Variants in IQSEC1 observed in about 807,000 individuals in gnomAD.
The protein encoded by IQSEC1 is IQ motif and SEC7 domain-containing protein 1.
In IQSEC1, 31 loss-of-function variants were observed where a neutral mutation model predicts 91.0. That is an observed-to-expected ratio of 0.34 (90% CI 0.26 to 0.46). IQSEC1 has a LOEUF of 0.46. Among genes scored for constraint, IQSEC1 ranks in the 20% least tolerant of loss-of-function variants. IQSEC1 has a pLI of 1.00. For synonymous variants in IQSEC1, 699 were observed against 662.6 expected (o/e 1.05, Z -0.84); for missense variants, 1,388 against 1,575.6 (o/e 0.88, Z 2.02).
intron 13 of IQSEC1, 42 bp from the exon 14 acceptor site, chr3:12,901,564 A>T: frequency 6.8e-7 from 1 of 1,481,480 alleles, no homozygotes; most frequent in Non-Finnish European, 9.2e-7. Flanking sequence ...AAAGATCTTC[A>T]AGCACTTAGG....
chr3:13,178,294 T>C (rs149038258), intron 1 of IQSEC1, among the ~76,000 whole-genome samples: 12 of 152,348 alleles, frequency 7.9e-5, no homozygotes, highest in Middle Eastern at 3.4e-3. Context: ...GCTGATCTTT[T>C]GGGGTCAAAG....
chr3:13,137,660 C>A (rs1706732249), intron 2 of IQSEC1, among the ~76,000 whole-genome samples: 1 of 152,090 alleles, frequency 6.6e-6, no homozygotes, highest in African/African-American at 2.4e-5. Flanking sequence ...TTTTATTATC[C>A]TTTGAAATGC....
intron 1 of IQSEC1, among the ~76,000 whole-genome samples, chr3:13,186,718 A>G (rs920659901): frequency 1.3e-5 from 2 of 152,094 alleles, no homozygotes; most frequent in Non-Finnish European, 2.9e-5. Flanking sequence ...ACACGTGAAC[A>G]TGGTGGAATG....
At chr3:12,990,571 C>T (rs1701940251) in intron 1 of IQSEC1, among the ~76,000 whole-genome samples, 1 of 152,200 alleles carries the variant, frequency 6.6e-6, no homozygotes, top group Non-Finnish European at 1.5e-5. Flanking sequence ...CCACAGCTGG[C>T]TTTCTATGCT....
intron 2 of IQSEC1, among the ~76,000 whole-genome samples, chr3:13,122,690 G>C (rs1430989189): frequency 6.6e-6 from 1 of 152,158 alleles, no homozygotes; most frequent in Non-Finnish European, 1.5e-5. Context: ...CATCCCACCT[G>C]GTCTCTGTTA....
chr3:13,159,946 T>A (rs1707144720), intron 2 of IQSEC1, among the ~76,000 whole-genome samples: 1 of 152,132 alleles, frequency 6.6e-6, no homozygotes, highest in Non-Finnish European at 1.5e-5. Flanking sequence ...CATAAATAAA[T>A]CATTAGAAGA....
intron 1 of IQSEC1, among the ~76,000 whole-genome samples, chr3:13,227,387 A>AG (rs1227348142): frequency 3.3e-4 from 49 of 149,524 alleles, no homozygotes; most frequent in Admixed American, 5.3e-4. Flanking sequence ...AAAAAAAAAA[A>AG]AAAAAAAAAG....
At chr3:13,022,542 G>C (rs1036317922) in intron 1 of IQSEC1, 101 of 851,848 alleles carry the variant, frequency 1.2e-4, no homozygotes, top group Non-Finnish European at 1.4e-4. Flanking sequence ...CCAGGGGCTG[G>C]CCCTGCGTCC....
chr3:12,975,723 ATTC>A (rs1330458805), intron 1 of IQSEC1, among the ~76,000 whole-genome samples: 2 of 152,234 alleles, frequency 1.3e-5, no homozygotes, highest in Non-Finnish European at 2.9e-5. Context: ...GGTAGGGACT[ATTC>A]TATCTTCTCA....
chr3:13,281,168 G>A (rs567057552), intron 1 of IQSEC1, among the ~76,000 whole-genome samples: 9 of 152,192 alleles, frequency 5.9e-5, no homozygotes, highest in Non-Finnish European at 1.3e-4. Flanking sequence ...GCCTCCCCAA[G>A]CTGCTGAGGA....
At chr3:13,113,988 G>A (rs185240808) in intron 2 of IQSEC1, among the ~76,000 whole-genome samples, 2 of 152,364 alleles carry the variant, frequency 1.3e-5, no homozygotes, top group African/African-American at 2.4e-5. Flanking sequence ...CTCCACATAC[G>A]ATGAGACTCT....
At chr3:12,976,617 TTCTCTC>T (rs376407220) in intron 1 of IQSEC1, among the ~76,000 whole-genome samples, 319 of 152,362 alleles carry the variant, frequency 2.1e-3, no homozygotes, top group African/African-American at 7.0e-3. Context: ...TTCGTCCACA[TTCTCTC>T]TGTCTCATCG....
chr3:13,145,539 C>A (rs1706874773), intron 2 of IQSEC1, among the ~76,000 whole-genome samples: 1 of 152,046 alleles, frequency 6.6e-6, no homozygotes. Flanking sequence ...GCAGAACTGG[C>A]ACAAGCCCCT....
chr3:12,962,977 A>T (rs1700335762), intron 1 of IQSEC1, among the ~76,000 whole-genome samples: 1 of 152,238 alleles, frequency 6.6e-6, no homozygotes, highest in South Asian at 2.1e-4. Flanking sequence ...TGGTGGTGAC[A>T]TATTTTGCCA....
intron 1 of IQSEC1, among the ~76,000 whole-genome samples, chr3:13,062,194 C>T (rs2125090781): frequency 6.6e-6 from 1 of 152,304 alleles, no homozygotes; most frequent in Non-Finnish European, 1.5e-5. Context: ...ACCATTACAG[C>T]CCAGCTTCCC....
chr3:13,150,316 C>T (rs371331687), intron 2 of IQSEC1, among the ~76,000 whole-genome samples: 3 of 152,220 alleles, frequency 2.0e-5, no homozygotes, highest in Non-Finnish European at 2.9e-5. Flanking sequence ...TCACAGTGAG[C>T]GTTCAGGCTG....
chr3:13,269,667 G>A (rs1346508418), intron 1 of IQSEC1, among the ~76,000 whole-genome samples: 1 of 152,190 alleles, frequency 6.6e-6, no homozygotes, highest in Admixed American at 6.5e-5. Context: ...AGCTCAGCAG[G>A]GGCAGGACAG....
At chr3:13,043,983 G>T (rs1284230942) in intron 1 of IQSEC1, among the ~76,000 whole-genome samples, 1 of 152,194 alleles carries the variant, frequency 6.6e-6, no homozygotes, top group East Asian at 1.9e-4. Context: ...CTGCTCAGGG[G>T]GGTGACATCC....
In IQSEC1 at chr3:12,927,795, G is replaced by A. The variant is rs141320687; in HGVS notation, c.1569-3053C>T. ...GGTGCAGCTGAGAGGCCTAGTCTGTGCAGGGGGCAAGGGACAGAGACTGAG... is the reference window on the plus strand; with the variant it reads ...GGTGCAGCTGAGAGGCCTAGTCTGTACAGGGGGCAAGGGACAGAGACTGAG... On this transcript the variant is annotated intron_variant, in intron 3 of 13. Transcript: ENST00000613206. 6.8e-3 allele frequency among the ~76,000 whole-genome samples: 1,033 copies of A among 152,382 alleles called. 13 individuals are homozygous for A. The highest frequency in any genetic ancestry group is 0.023 in the African/African-American group (957 of 41,594).
Sources: gnomAD v4.1 joint callset for allele counts (sites outside exome capture counted in the v4.1 genomes callset) on GRCh38, gnomAD v4.1.1 for gene constraint, MANE v1.5 for transcripts, NCBI Gene and HGNC (gene_info 2026-07-23, HGNC 2026-07-21) for gene names.